BCAR3: variants seen among roughly 807,000 people sequenced by gnomAD.
BCAR3 encodes the protein BCAR3 adaptor protein, NSP family member, also known as breast cancer anti-estrogen resistance protein 3.
BCAR3 carries 37 observed loss-of-function variants against 80.1 expected under a neutral mutation model. The observed-to-expected ratio is 0.46, with a 90% CI of 0.36 to 0.61. The LOEUF (loss-of-function observed/expected upper bound fraction) is 0.61, where lower values mean the gene tolerates loss of function less well. Ranked by LOEUF, BCAR3 falls within the 20% of genes least tolerant of loss-of-function variation. The pLI, the probability that BCAR3 is intolerant of heterozygous loss-of-function variation, is 0.00. For synonymous variants in BCAR3, 389 were observed against 418.9 expected (o/e 0.93, Z 0.87); for missense variants, 978 against 1,068.2 (o/e 0.92, Z 1.18).
chr1:93,708,629 G>A (rs771527696), intron 2 of BCAR3, among the ~76,000 whole-genome samples: 24 of 152,208 alleles, frequency 1.6e-4, no homozygotes, highest in Middle Eastern at 3.4e-3. Context: ...AAAACTTTGG[G>A]CTCACAGAAA....
rs199762827 is a variant in BCAR3 at position 93,589,171 on chromosome 1, A to G, written c.735T>C (p.Ser245=). The G allele has an allele frequency of 1.3e-4, 203 of 1,613,742 alleles. 2 individuals carry two copies. In the East Asian group the frequency reaches 2.8e-3, roughly 23 times the overall value. ...TGATGGGCTGGAAGATGATGGCGCC[A>G]CTCTGCTGGGAGATGGGCCGGCGGT... is the stretch of plus-strand genomic sequence containing the variant. The part of the protein sequence containing the change: ...VGNRRPISQQ[S]GAIIFQPINR... Residue 245 remains serine (S), a synonymous_variant, in exon 5 of 12, where the codon AGT becomes AGC. Coordinates refer to ENST00000260502, the MANE Select transcript of BCAR3 (RefSeq NM_003567.4).
chr1:93,587,532 AT>A (rs1673993568), intron 5 of BCAR3, among the ~76,000 whole-genome samples: 1 of 152,182 alleles, frequency 6.6e-6, no homozygotes, highest in African/African-American at 2.4e-5. Context: ...TGGAGCCGGC[AT>A]TTGTGCCTGG....
rs375682954 is a variant in BCAR3, at chr1:93,797,360, T to C, written c.-63+48207A>G. Among the ~76,000 whole-genome samples the C allele has an allele frequency of 2.4e-4, 37 of 152,338 alleles. 3 individuals carry two copies. Among genetic ancestry groups the C allele is most frequent in the Admixed American group, 1.2e-3 (19 of 15,306 alleles). ...CTTGTAAATGTCTTTCTTCATTAAA[T>C]ACATTCTCAACTTGTCTTAATGTCC... On this transcript the variant is annotated intron_variant, in intron 2 of 13. Coordinates refer to the BCAR3 transcript ENST00000370244.
intron 2 of BCAR3, among the ~76,000 whole-genome samples, chr1:93,801,290 TC>T (rs1653469764): frequency 6.6e-6 from 1 of 152,226 alleles, no homozygotes; most frequent in Non-Finnish European, 1.5e-5. Context: ...TTTAGCGGCT[TC>T]GTTGTCTTTC....
intron 3 of BCAR3, among the ~76,000 whole-genome samples, chr1:93,617,608 A>G (rs1675168081): frequency 6.6e-6 from 1 of 152,010 alleles, no homozygotes; most frequent in Non-Finnish European, 1.5e-5. Context: ...AACTACTAAG[A>G]CCCTTTATCC....
intron 3 of BCAR3, among the ~76,000 whole-genome samples, chr1:93,615,901 G>A (rs1330389747): frequency 1.3e-5 from 2 of 152,120 alleles, no homozygotes; most frequent in Non-Finnish European, 2.9e-5. Context: ...CACCATCCCA[G>A]GCCTGAGAAA....
At chr1:93,821,731 T>G (rs1243655595) in intron 2 of BCAR3, among the ~76,000 whole-genome samples, 1 of 152,232 alleles carries the variant, frequency 6.6e-6, no homozygotes, top group Non-Finnish European at 1.5e-5. Flanking sequence ...GTACTCCCTG[T>G]GTTGTGCTAA....
intron 5 of BCAR3, 89 bp downstream of exon 5, chr1:93,588,888 C>T (rs1362195451): frequency 1.5e-5 from 21 of 1,357,880 alleles, no homozygotes; most frequent in Non-Finnish European, 2.0e-5. Context: ...TCTTTTATTT[C>T]TTTGTTCCAT....
chr1:93,606,132 C>A (rs541350262), intron 3 of BCAR3, among the ~76,000 whole-genome samples: 3 of 152,200 alleles, frequency 2.0e-5, no homozygotes, highest in African/African-American at 7.2e-5. Flanking sequence ...ATACAACTCA[C>A]AGGTCACTTT....
At chr1:93,815,285 T>C (rs989327897) in intron 2 of BCAR3, among the ~76,000 whole-genome samples, 1 of 152,202 alleles carries the variant, frequency 6.6e-6, no homozygotes, top group South Asian at 2.1e-4. Flanking sequence ...ATGCATTTTG[T>C]AGGCCCCAGG....
chr1:93,570,628 C>T (rs113497997), intron 9 of BCAR3, among the ~76,000 whole-genome samples: 61 of 152,264 alleles, frequency 4.0e-4, no homozygotes, highest in Middle Eastern at 3.4e-3. Flanking sequence ...ACCAGGAATC[C>T]GAACTTTTTA....
intron 2 of BCAR3, among the ~76,000 whole-genome samples, chr1:93,817,995 A>C (rs1654079583): frequency 1.3e-5 from 2 of 152,156 alleles, no homozygotes; most frequent in African/African-American, 2.4e-5. Flanking sequence ...CTGAGACTTT[A>C]GTGACTGCTC....
chr1:93,630,408 G>A (rs975068671), intron 3 of BCAR3, among the ~76,000 whole-genome samples: 1 of 151,640 alleles, frequency 6.6e-6, no homozygotes, highest in Non-Finnish European at 1.5e-5. Flanking sequence ...CGAATCACTT[G>A]AGCTCACAAG....
intron 7 of BCAR3, among the ~76,000 whole-genome samples, chr1:93,578,423 C>T (rs1057224811): frequency 2.0e-5 from 3 of 152,176 alleles, no homozygotes; most frequent in African/African-American, 7.2e-5. Context: ...TCCCACACCC[C>T]ACCCCTAACC....
chr1:93,613,852 C>T (rs771300743), intron 3 of BCAR3: 1 of 1,550,468 alleles, frequency 6.4e-7, no homozygotes, highest in South Asian at 1.2e-5. Flanking sequence ...CCTACCTTGA[C>T]TCCAATGAAA....
intron 2 of BCAR3, among the ~76,000 whole-genome samples, chr1:93,773,973 G>A (rs1652447273): frequency 6.6e-6 from 1 of 152,024 alleles, no homozygotes; most frequent in African/African-American, 2.4e-5. Context: ...TTATTTGTAA[G>A]CCAAATGCTG....
At chr1:93,797,524 T>C (rs1232057664) in intron 2 of BCAR3, among the ~76,000 whole-genome samples, 1 of 152,178 alleles carries the variant, frequency 6.6e-6, no homozygotes, top group Non-Finnish European at 1.5e-5. Context: ...TTTACTTTCA[T>C]AGGTCAACCT....
intron 1 of BCAR3, among the ~76,000 whole-genome samples, chr1:93,679,361 C>T (rs1405111672): frequency 1.3e-5 from 2 of 152,064 alleles, no homozygotes; most frequent in Non-Finnish European, 2.9e-5. Context: ...AAGACTGCAA[C>T]TGGGAAGGAT....
chr1:93,577,158 C>CAAAAG (rs1006012856), intron 7 of BCAR3, among the ~76,000 whole-genome samples: 5 of 151,958 alleles, frequency 3.3e-5, no homozygotes, highest in Non-Finnish European at 7.4e-5. Context: ...TCTCTAAAAA[C>CAAAAG]AAAAGAAAAA....
Sources: gnomAD v4.1 joint callset for allele counts (sites outside exome capture counted in the v4.1 genomes callset) on GRCh38, gnomAD v4.1.1 for gene constraint, MANE v1.5 for transcripts, NCBI Gene and HGNC (gene_info 2026-07-23, HGNC 2026-07-21) for gene names.